The following CDC14A variants were observed in gnomAD, a reference collection of about 807,000 sequenced individuals.
CDC14A encodes cell division cycle 14A.
Under a neutral mutation model 74.4 loss-of-function variants are expected in CDC14A, and 53 were observed. The observed-to-expected ratio is 0.71, with a 90% CI of 0.57 to 0.89. CDC14A has a LOEUF of 0.89. CDC14A is among the 40% of genes least tolerant of loss of function. CDC14A has a pLI of 0.00. For synonymous variants in CDC14A, 247 were observed against 258.4 expected (o/e 0.96, Z 0.43); for missense variants, 646 against 713.7 (o/e 0.91, Z 1.08).
At chr1:100,498,009 T>G in intron 13 of CDC14A, 76 bp from the exon 14 acceptor site, 1 of 1,457,972 alleles carries the variant, frequency 6.9e-7, no homozygotes. Flanking sequence ...GATTAATTTA[T>G]CTTGTCCTAG....
intron 2 of CDC14A, among the ~76,000 whole-genome samples, chr1:100,371,530 CTT>C (rs1654475605): frequency 6.6e-6 from 1 of 151,972 alleles, no homozygotes. Context: ...TTATCAGAAG[CTT>C]TTTTTGTGTC....
intron 7 of CDC14A, among the ~76,000 whole-genome samples, chr1:100,446,379 G>C (rs1665544059): frequency 6.6e-6 from 1 of 152,176 alleles, no homozygotes; most frequent in Non-Finnish European, 1.5e-5. Flanking sequence ...CTAGTGATGA[G>C]GTCAACAGAA....
At chr1:100,453,188 G>T (rs982772447) in intron 7 of CDC14A, among the ~76,000 whole-genome samples, 4 of 151,940 alleles carry the variant, frequency 2.6e-5, no homozygotes, top group African/African-American at 7.3e-5. Context: ...TATTCTTTTG[G>T]TTCTGTGAAT....
In CDC14A at chr1:100,499,100, C is replaced by A. The variant is rs758158645; in HGVS notation, c.1593C>A (p.Leu531=). The A allele has an allele frequency of 2.2e-5, 35 of 1,614,004 alleles. No individual in the cohort carries two copies. Among genetic ancestry groups the A allele is most frequent in the Non-Finnish European group, 2.6e-5 (31 of 1,180,016 alleles). The change falls in exon 15 of 16, where the codon CTC becomes CTA. Residue 531 remains leucine (L), a synonymous_variant. Coordinates refer to ENST00000336454, the MANE Select transcript of CDC14A (RefSeq NM_003672.4). ...CAACTACCAGAAATTACCCTGAGCT[C>A]AACAATAATCAGTACAACAGAAGCA... ...SQPTTRNYPE[L]NNNQYNRSSN... is the part of the protein sequence containing the mutation.
chr1:100,360,622 G>A (rs1035144100), intron 2 of CDC14A, among the ~76,000 whole-genome samples: 2 of 152,150 alleles, frequency 1.3e-5, no homozygotes, highest in Non-Finnish European at 2.9e-5. Context: ...TGGGATTACA[G>A]GTGTGAGCCA....
chr1:100,405,948 C>T (rs1228207754), intron 4 of CDC14A, among the ~76,000 whole-genome samples: 5 of 152,140 alleles, frequency 3.3e-5, no homozygotes, highest in East Asian at 1.9e-4. Flanking sequence ...TTTGAGGAAT[C>T]GCCACACTGT....
intron 7 of CDC14A, among the ~76,000 whole-genome samples, chr1:100,451,139 C>A (rs1350837908): frequency 6.6e-6 from 1 of 152,204 alleles, no homozygotes; most frequent in Non-Finnish European, 1.5e-5. Context: ...TGATTAAGTG[C>A]ATCCAGTTCC....
chr1:100,398,128 T>C (rs111828612), intron 4 of CDC14A, among the ~76,000 whole-genome samples: 24 of 152,300 alleles, frequency 1.6e-4, no homozygotes, highest in African/African-American at 5.8e-4. Flanking sequence ...AATACCCTAT[T>C]TTACTTGCGG....
At chr1:100,484,893 T>C in intron 11 of CDC14A, 3 of 979,872 alleles carry the variant, frequency 3.1e-6, no homozygotes, top group Non-Finnish European at 3.6e-6. Context: ...AAATTAAGGC[T>C]CTACTGTAAA....
intron 3 of CDC14A, among the ~76,000 whole-genome samples, chr1:100,390,385 G>C (rs1056394968): frequency 1.3e-5 from 2 of 152,076 alleles, no homozygotes; most frequent in African/African-American, 2.4e-5. Flanking sequence ...TGGCATGTAG[G>C]GGGTAACAAA....
At chr1:100,505,483 A>C (rs1298165426) in intron 15 of CDC14A, among the ~76,000 whole-genome samples, 1 of 152,230 alleles carries the variant, frequency 6.6e-6, no homozygotes, top group Non-Finnish European at 1.5e-5. Flanking sequence ...ATTAGAATCT[A>C]GCTTTATAAA....
intron 2 of CDC14A, 30 bp from the exon 3 acceptor site, chr1:100,377,516 A>G (rs1211377916): frequency 2.0e-6 from 3 of 1,483,442 alleles, no homozygotes; most frequent in Non-Finnish European, 2.8e-6. Context: ...TTGACTAAAT[A>G]CTACGTTTTT....
chr1:100,378,594 C>A (rs1484066387), intron 3 of CDC14A, among the ~76,000 whole-genome samples: 1 of 152,062 alleles, frequency 6.6e-6, no homozygotes, highest in African/African-American at 2.4e-5. Flanking sequence ...TATGTTGTAT[C>A]CTTATGAATT....
At chr1:100,506,382 A>C (rs565934380) in intron 15 of CDC14A, among the ~76,000 whole-genome samples, 3 of 151,516 alleles carry the variant, frequency 2.0e-5, no homozygotes, top group African/African-American at 7.2e-5. Context: ...TCAGTATTGA[A>C]CCACATCTTT....
chr1:100,346,918 G>A (rs1442142943), intron 1 of CDC14A, among the ~76,000 whole-genome samples: 1 of 152,044 alleles, frequency 6.6e-6, no homozygotes, highest in Non-Finnish European at 1.5e-5. Context: ...GTAGAATGCT[G>A]GTATACCATT....
chr1:100,376,674 T>C (rs1163464472), intron 2 of CDC14A, among the ~76,000 whole-genome samples: 3 of 152,106 alleles, frequency 2.0e-5, no homozygotes, highest in Non-Finnish European at 4.4e-5. Context: ...TGATGTTGGC[T>C]AAGAGAGAAG....
intron 7 of CDC14A, among the ~76,000 whole-genome samples, chr1:100,446,340 T>A (rs189046109): frequency 2.4e-4 from 36 of 152,312 alleles, no homozygotes; most frequent in Middle Eastern, 3.4e-3. Flanking sequence ...AGGGGAATCT[T>A]ATAGAAAGAG....
chr1:100,363,671 T>C lies in CDC14A; in HGVS notation c.140+9819T>C, dbSNP rs139974723. ...TTGAGAACTGGAAAAGGTAGTTTAT[T>C]TCAAATTTGGTCCCCATGATTGATG... On this transcript the variant is annotated intron_variant, in intron 2 of 15. Transcript: ENST00000336454. Among the ~76,000 whole-genome samples, 42 of 152,254 alleles carry C rather than the reference T, an allele frequency of 2.8e-4. 1 individual carries two copies. Among genetic ancestry groups the C allele is most frequent in the African/African-American group, 1.0e-3 (42 of 41,574 alleles).
At chr1:100,395,188 A>C (rs922552706) in intron 4 of CDC14A, among the ~76,000 whole-genome samples, 1 of 152,204 alleles carries the variant, frequency 6.6e-6, no homozygotes, top group Non-Finnish European at 1.5e-5. Context: ...TAGTTTTCTC[A>C]TTTGTAAAAT....
Sources: gnomAD v4.1 joint callset for allele counts (sites outside exome capture counted in the v4.1 genomes callset) on GRCh38, gnomAD v4.1.1 for gene constraint, MANE v1.5 for transcripts, NCBI Gene and HGNC (gene_info 2026-07-23, HGNC 2026-07-21) for gene names.